The following ERCC6L variants were observed in gnomAD, a reference collection of about 807,000 sequenced individuals.
ERCC6L encodes DNA excision repair protein ERCC-6-like.
Under a neutral mutation model 20.1 loss-of-function variants are expected in ERCC6L, and 7 were observed. The ratio of observed to expected loss-of-function variants is 0.35; its 90% CI spans 0.20 to 0.65. The LOEUF (loss-of-function observed/expected upper bound fraction) is 0.65, where lower values mean the gene tolerates loss of function less well. Among genes scored for constraint, ERCC6L ranks in the 30% least tolerant of loss-of-function variants. ERCC6L has a pLI of 0.69. For missense variants in ERCC6L, 592 were observed against 892.4 expected, an observed-to-expected ratio of 0.66 and a Z score of 4.29; for synonymous variants, 278 against 331.3, an observed-to-expected ratio of 0.84 and a Z score of 1.75.
At position 72,206,169 on chromosome X, in the gene ERCC6L, A is replaced by C. The variant is rs377308473; in HGVS notation, c.2598T>G (p.Asn866Lys). 2.5e-6 allele frequency: 3 copies of C among 1,210,411 alleles called. No homozygotes were observed. Among genetic ancestry groups the C allele is most frequent in the South Asian group, 1.8e-5 (1 of 56,818 alleles). Residue 866 changes from asparagine (N) to lysine (K), a missense_variant, in exon 2 of 2, where the codon AAT (asparagine) becomes AAG (lysine). By Grantham distance (94) the Asn-to-Lys change is moderately conservative. Transcript: ENST00000334463. ...CTTTGGTTGATTTGCTAAGTACATA[A>C]TTAAAACTTTCCAGAGGATCCTCTT... is the stretch of plus-strand genomic sequence containing the variant. ...ALQEDPLESF[N>K]YVLSKSTKAD... is the part of the protein sequence containing the mutation.
chrX:72,209,135 T>C (rs756644450), intron 1 of ERCC6L, among the ~76,000 whole-genome samples: 5 of 111,626 alleles, frequency 4.5e-5, no homozygotes, highest in Non-Finnish European at 7.5e-5. Context: ...ACGAGATTCC[T>C]ATAGATTCCT....
chrX:72,208,013 G>A lies in ERCC6L; in HGVS notation c.754C>T (p.Arg252Cys), dbSNP rs2042830426. 3 of 1,210,793 alleles carry A rather than the reference G, an allele frequency of 2.5e-6. No homozygotes were observed. The highest frequency in any genetic ancestry group is 3.0e-5 in the East Asian group (1 of 33,850). ...ATTGGGGTTCCTGTGAGGAGGAGGC[G>A]ATTACTTGCAGGAATAGCACGAGCA... ...ICARAIPASN[R>C]LLLTGTPIQN... Residue 252 changes from arginine (R) to cysteine (C), a missense_variant, in exon 2 of 2, where the codon CGC (arginine) becomes TGC (cysteine). Arg to Cys is a radical substitution (Grantham distance 180). Around this residue, in one of 3 missense-constraint regions of ERCC6L, gnomAD observed 196 missense variants for 440.1 expected, o/e 0.45. Coordinates refer to ENST00000334463, the MANE Select transcript of ERCC6L (RefSeq NM_017669.4).
Position 72,204,970 on chromosome X carries a change from T to G in ERCC6L, c.*44A>C. 4 of 1,061,119 alleles carry G rather than the reference T, an allele frequency of 3.8e-6. No homozygotes were observed. Among genetic ancestry groups the G allele is most frequent in the Non-Finnish European group, 5.1e-6 (4 of 789,254 alleles). The allele number at this position is 1,061,119 out of a possible 1,213,427, so 87.4% of individuals were successfully genotyped here. On this transcript the variant is annotated 3_prime_UTR_variant, in exon 2 of 2. Coordinates refer to ENST00000334463, the MANE Select transcript of ERCC6L (RefSeq NM_017669.4). ...TCCAATTATGGGAACAAAAATTCCC[T>G]CATATTCAGTTTCACTTTAAAATAC...
chrX:72,224,799 T>C (rs1487116729), intron 1 of ERCC6L, among the ~76,000 whole-genome samples: 2 of 111,060 alleles, frequency 1.8e-5, no homozygotes, highest in Non-Finnish European at 3.8e-5. Context: ...GTAAATCCTA[T>C]AGTATGGAAC....
intron 1 of ERCC6L, among the ~76,000 whole-genome samples, chrX:72,214,278 G>C (rs1165927386): frequency 1.8e-5 from 2 of 111,460 alleles, no homozygotes; most frequent in Non-Finnish European, 3.8e-5. Context: ...CATAAATTAG[G>C]GAAAAATGTG....
Position 72,205,071 on chromosome X carries a change from T to A in ERCC6L, c.3696A>T (p.Ala1232=), listed in dbSNP as rs2042808460. 1 of 1,210,643 alleles carries A rather than the reference T, an allele frequency of 8.3e-7. No homozygotes were observed. The highest frequency in any genetic ancestry group is 3.0e-5 in the East Asian group (1 of 33,858). ...AAGTCAAGAGCATAACTTCAGGATC[T>A]GCACTTTTTATGTCAAGCGCTTTAA... is the stretch of plus-strand genomic sequence containing the variant. ...CLVKALDIKS[A]DPEVMLLTLS... is the part of the protein sequence containing the mutation. The change falls in exon 2 of 2, where the codon GCA becomes GCT. Residue 1232 remains alanine (A), a synonymous_variant. Coordinates refer to ENST00000334463, the MANE Select transcript of ERCC6L (RefSeq NM_017669.4).
At position 72,207,270 on chromosome X, in the gene ERCC6L, C is replaced by T. The variant is rs776347272; in HGVS notation, c.1497G>A (p.Arg499=). 1 of 1,209,084 alleles carries T rather than the reference C, an allele frequency of 8.3e-7. No homozygotes were observed. The highest frequency in any genetic ancestry group is 1.7e-5 in the African/African-American group (1 of 57,226). Residue 499 remains arginine (R), a synonymous_variant, in exon 2 of 2, where the codon AGG becomes AGA. Transcript: ENST00000334463. ...LNIIERLLKN[R]HFKTLRIDGT... ...CATCGATTCGCAATGTCTTAAAGTGCCTATTCTTTAAGAGGCGTTCAATGA... is the reference window on the plus strand; with the variant it reads ...CATCGATTCGCAATGTCTTAAAGTGTCTATTCTTTAAGAGGCGTTCAATGA...
intron 1 of ERCC6L, among the ~76,000 whole-genome samples, chrX:72,235,224 C>T (rs1416964597): frequency 3.6e-5 from 4 of 111,171 alleles, no homozygotes; most frequent in Non-Finnish European, 7.5e-5. Flanking sequence ...GTGTTCCTTT[C>T]TGGAGGCTCT....
rs148217488 is a variant in ERCC6L at position 72,208,501 on chromosome X, T to C, written c.266A>G (p.Tyr89Cys). The change falls in exon 2 of 2, where the codon TAT (tyrosine) becomes TGT (cysteine). Residue 89 changes from tyrosine (Y) to cysteine (C), a missense_variant. By Grantham distance (194) the Tyr-to-Cys change is radical. This residue lies in a region of ERCC6L where 196 missense variants were observed against 440.1 expected (regional missense o/e 0.45). Transcript: ENST00000334463. ...TDVCNSGLLL[Y>C]RELHNQLFEH... The stretch of plus-strand genomic sequence containing the variant: ...AAAGAGTTGGTTGTGCAGTTCTCGA[T>C]AAAGTAGCAAGCCAGAGTTGCACAC... 1 of 1,210,253 alleles carries C rather than the reference T, an allele frequency of 8.3e-7. No homozygotes were observed. The highest frequency in any genetic ancestry group is 1.7e-5 in the African/African-American group (1 of 57,280).
rs1670168355 is a variant in ERCC6L, at chrX:72,204,894, T to A, written c.*120A>T. 1.6e-6 allele frequency: 1 copy of A among 615,964 alleles called. No homozygotes were observed. 50.8% of individuals were successfully genotyped at this position (615,964 alleles called of 1,213,427 possible). On this transcript the variant is annotated 3_prime_UTR_variant, in exon 2 of 2. Coordinates refer to ENST00000334463, the MANE Select transcript of ERCC6L (RefSeq NM_017669.4). ...GGGGGCGTTGCAGGGCAGAAGTTGC[T>A]TTTTGAGATCTTTCTTGCCTTAAGC...
intron 1 of ERCC6L, among the ~76,000 whole-genome samples, chrX:72,216,117 T>C (rs1431691239): frequency 9.1e-6 from 1 of 110,369 alleles, no homozygotes; most frequent in Non-Finnish European, 1.9e-5. Context: ...GCAGATGTTA[T>C]TGATTTAAGA....
intron 1 of ERCC6L, among the ~76,000 whole-genome samples, chrX:72,228,522 G>A (rs187248778): frequency 1.8e-5 from 2 of 111,507 alleles, no homozygotes; most frequent in African/African-American, 3.3e-5. Flanking sequence ...TGCCTCACCC[G>A]AATCTTGGAA....
chrX:72,236,313 T>G (rs1347261539), intron 1 of ERCC6L, among the ~76,000 whole-genome samples: 2 of 111,126 alleles, frequency 1.8e-5, no homozygotes, highest in Non-Finnish European at 3.8e-5. Flanking sequence ...TTTCTTTTTT[T>G]TCTGAGACGG....
chrX:72,238,098 CACA>C (rs1306311639), intron 1 of ERCC6L: 1 of 111,747 alleles, frequency 8.9e-6, no homozygotes, highest in Non-Finnish European at 1.9e-5. Context: ...CGGACGGCTG[CACA>C]ACAATATGAA....
intron 1 of ERCC6L, among the ~76,000 whole-genome samples, chrX:72,224,685 C>T (rs937562606): frequency 3.6e-5 from 4 of 111,183 alleles, no homozygotes; most frequent in East Asian, 2.8e-4. Context: ...GTGGAGGTTG[C>T]AGCAAGCCAA....
chrX:72,212,083 T>C (rs1445843815), intron 1 of ERCC6L, among the ~76,000 whole-genome samples: 1 of 110,311 alleles, frequency 9.1e-6, no homozygotes, highest in Admixed American at 9.7e-5. Context: ...AGGACCAGCC[T>C]GGCCAACATG....
intron 1 of ERCC6L, among the ~76,000 whole-genome samples, chrX:72,227,313 A>G (rs1162566881): frequency 9.0e-6 from 1 of 111,690 alleles, no homozygotes; most frequent in Non-Finnish European, 1.9e-5. Flanking sequence ...AGCTCTACAT[A>G]TCACCTGGAA....
At position 72,205,906 on chromosome X, in the gene ERCC6L, T is replaced by C; in HGVS notation, c.2861A>G (p.Asn954Ser). 8.3e-7 allele frequency: 1 copy of C among 1,211,331 alleles called. No homozygotes were observed. Among genetic ancestry groups the C allele is most frequent in the Non-Finnish European group, 1.1e-6 (1 of 895,227 alleles). The change falls in exon 2 of 2, where the codon AAT (asparagine) becomes AGT (serine). Residue 954 changes from asparagine to serine, a missense_variant. This residue lies in a region of ERCC6L where 352 missense variants were observed against 402.6 expected (regional missense o/e 0.87). Coordinates refer to ENST00000334463, the MANE Select transcript of ERCC6L (RefSeq NM_017669.4). ...ASSPQYACDF[N>S]LFLEDSADNR... ...GTCTGCTGAGTCTTCCAAGAAAAGA[T>C]TGAAATCACATGCATACTGTGGTGA...
At chrX:72,228,907 C>T (rs2042967946) in intron 1 of ERCC6L, among the ~76,000 whole-genome samples, 1 of 111,313 alleles carries the variant, frequency 9.0e-6, no homozygotes, top group South Asian at 3.8e-4. Context: ...TCGCTGTCTT[C>T]CTCAGCCTAC....
Sources: gnomAD v4.1 joint callset for allele counts (sites outside exome capture counted in the v4.1 genomes callset) on GRCh38, gnomAD v4.1.1 for gene constraint, gnomAD v4.1.1 regional missense constraint, MANE v1.5 for transcripts, NCBI Gene and HGNC (gene_info 2026-07-23, HGNC 2026-07-21) for gene names.